ZSWIM6: variants seen among roughly 807,000 people sequenced by gnomAD.
The protein encoded by ZSWIM6 is zinc finger SWIM-type containing 6.
ZSWIM6 carries 9 observed loss-of-function variants against 113.2 expected under a neutral mutation model. The ratio of observed to expected loss-of-function variants is 0.08; its 90% CI spans 0.05 to 0.14. The LOEUF is 0.14. Ranked by LOEUF, ZSWIM6 falls within the 10% of genes least tolerant of loss-of-function variation. The probability of loss-of-function intolerance (pLI) is 1.00; values close to 1 mark genes in which losing one functional copy is unlikely to be tolerated. For synonymous variants in ZSWIM6, 611 were observed against 606.5 expected, an observed-to-expected ratio of 1.01 and a Z score of -0.11; for missense variants, 1,162 against 1,552.2, an observed-to-expected ratio of 0.75 and a Z score of 4.22.
chr5:61,490,896 C>A lies in ZSWIM6; in HGVS notation c.1144C>A (p.His382Asn). ...ACTGTTCCTTTCCCAGGGCGGGTAC[C>A]ACGGATCAGGGAAGCAGCTTAATTT... ...VKLFLSQGGYHGSGKQLNLLF... is the reference protein window; with the variant it reads ...VKLFLSQGGYNGSGKQLNLLF... The change falls in exon 3 of 14, where the codon CAC becomes AAC. Residue 382 changes from histidine to asparagine, a missense_variant. His to Asn is a moderately conservative substitution (Grantham distance 68, BLOSUM62 1). Around this residue, in one of 4 missense-constraint regions of ZSWIM6, gnomAD observed 96 missense variants for 240.3 expected, o/e 0.40. Coordinates refer to ENST00000252744, the MANE Select transcript of ZSWIM6 (RefSeq NM_020928.2). 1 of 1,538,676 alleles carries A rather than the reference C, an allele frequency of 6.5e-7. No homozygotes were observed.
In ZSWIM6 at chr5:61,535,465, G is replaced by A. The variant is rs1749549588; in HGVS notation, c.2246-19G>A. ...TTCATTTTTTAGGAACGTAAAATGTGTATGCTCTCTTCCCACAGCCGGACC... is the reference window on the plus strand; with the variant it reads ...TTCATTTTTTAGGAACGTAAAATGTATATGCTCTCTTCCCACAGCCGGACC... On this transcript the variant is annotated intron_variant, in intron 9 of 13. Transcript: ENST00000252744. 1 of 1,550,804 alleles carries A rather than the reference G, an allele frequency of 6.4e-7. No individual in the cohort carries two copies. Among genetic ancestry groups the A allele is most frequent in the South Asian group, 1.2e-5 (1 of 84,036 alleles).
At chr5:61,453,265 G>A (rs773159149) in intron 1 of ZSWIM6, among the ~76,000 whole-genome samples, 9 of 151,714 alleles carry the variant, frequency 5.9e-5, no homozygotes, top group Non-Finnish European at 1.0e-4. Context: ...CTATTTTGAA[G>A]TATTATATAC....
chr5:61,341,873 CTTTTTTTTTTTTTTTT>C (rs35227918), intron 1 of ZSWIM6, among the ~76,000 whole-genome samples: 1 of 94,704 alleles, frequency 1.1e-5, no homozygotes, highest in Non-Finnish European at 2.0e-5. Flanking sequence ...TCTCTGTAAC[CTTTTTTTTTTTTTTTT>C]TTTTTTTTGA....
chr5:61,450,920 C>G (rs1407883862), intron 1 of ZSWIM6, among the ~76,000 whole-genome samples: 1 of 152,064 alleles, frequency 6.6e-6, no homozygotes, highest in African/African-American at 2.4e-5. Context: ...TGTAATTTTT[C>G]TTTATTAAAT....
chr5:61,384,103 C>T (rs1056625140), intron 1 of ZSWIM6, among the ~76,000 whole-genome samples: 61 of 150,210 alleles, frequency 4.1e-4, no homozygotes, highest in Non-Finnish European at 7.0e-4. Context: ...TAGCCGGGCG[C>T]GGTGGCGGGC....
intron 1 of ZSWIM6, among the ~76,000 whole-genome samples, chr5:61,448,558 AATGAGATAATGT>A (rs1254710634): frequency 6.6e-6 from 1 of 152,148 alleles, no homozygotes; most frequent in Non-Finnish European, 1.5e-5. Context: ...TTTTCTAGTA[AATGAGATAATGT>A]ATATAAATAT....
chr5:61,434,063 A>T (rs1027383296), intron 1 of ZSWIM6, among the ~76,000 whole-genome samples: 2 of 105,492 alleles, frequency 1.9e-5, no homozygotes, highest in Non-Finnish European at 4.3e-5. Flanking sequence ...AAAAACATAT[A>T]ATAAAATATA....
chr5:61,377,455 TA>T (rs913323327), intron 1 of ZSWIM6, among the ~76,000 whole-genome samples: 5 of 152,048 alleles, frequency 3.3e-5, no homozygotes, highest in African/African-American at 1.2e-4. Flanking sequence ...TTTGCATACT[TA>T]AAACTACCGC....
chr5:61,539,109 G>A, intron 11 of ZSWIM6, 138 bp downstream of exon 11: 1 of 997,034 alleles, frequency 1.0e-6, no homozygotes, highest in African/African-American at 1.7e-5. Flanking sequence ...TTAGATGTTA[G>A]CTTTTAAGGC....
chr5:61,415,667 G>A (rs952713137), intron 1 of ZSWIM6, among the ~76,000 whole-genome samples: 1 of 151,770 alleles, frequency 6.6e-6, no homozygotes, highest in African/African-American at 2.4e-5. Context: ...CATGGGGACT[G>A]ATTGGCCATA....
intron 2 of ZSWIM6, among the ~76,000 whole-genome samples, chr5:61,474,643 T>C (rs1312964788): frequency 6.6e-6 from 1 of 152,218 alleles, no homozygotes; most frequent in Non-Finnish European, 1.5e-5. Context: ...ACACTGCAAG[T>C]GCTCAGTAGC....
intron 1 of ZSWIM6, among the ~76,000 whole-genome samples, chr5:61,357,601 C>A (rs868069982): frequency 5.3e-5 from 8 of 151,394 alleles, no homozygotes; most frequent in South Asian, 2.1e-4. Context: ...TGGGGTCTGG[C>A]AGTGATCAGC....
intron 1 of ZSWIM6, among the ~76,000 whole-genome samples, chr5:61,380,855 C>T (rs531478547): frequency 1.3e-5 from 2 of 152,024 alleles, no homozygotes; most frequent in South Asian, 4.2e-4. Context: ...AGTCCCAGCA[C>T]TTTGGGAGGC....
intron 1 of ZSWIM6, among the ~76,000 whole-genome samples, chr5:61,442,263 G>T (rs552764538): frequency 6.6e-6 from 1 of 152,208 alleles, no homozygotes; most frequent in South Asian, 2.1e-4. Flanking sequence ...GACTGGGAGG[G>T]TCAATTTCTG....
intron 1 of ZSWIM6, among the ~76,000 whole-genome samples, chr5:61,366,600 T>A (rs1331321099): frequency 1.3e-5 from 2 of 152,226 alleles, no homozygotes; most frequent in Admixed American, 6.5e-5. Context: ...TGTAGTGTAT[T>A]TAGCTTTCTA....
At chr5:61,399,905 A>C (rs1390863969) in intron 1 of ZSWIM6, among the ~76,000 whole-genome samples, 1 of 152,152 alleles carries the variant, frequency 6.6e-6, no homozygotes, top group East Asian at 1.9e-4. Flanking sequence ...GATTGTTATA[A>C]CTAAACAAGG....
At position 61,527,865 on chromosome 5, in the gene ZSWIM6, TGTTA is replaced by T. The variant is rs370215384; in HGVS notation, c.1837+1477_1837+1480del. 3.9e-3 allele frequency among the ~76,000 whole-genome samples: 598 copies of T among 152,322 alleles called. 3 individuals carry two copies. The highest frequency in any genetic ancestry group is 5.7e-3 in the Non-Finnish European group (391 of 68,028). ...GTAATAAAAAAGGAAAGTGTAAAAA[TGTTA>T]GTTAGTTTCCTAACTAACTAATGTT... is the stretch of plus-strand genomic sequence containing the variant. On this transcript the variant is annotated intron_variant, in intron 7 of 13. Coordinates refer to ENST00000252744, the MANE Select transcript of ZSWIM6 (RefSeq NM_020928.2).
chr5:61,360,109 G>A (rs1375264308), intron 1 of ZSWIM6, among the ~76,000 whole-genome samples: 1 of 152,204 alleles, frequency 6.6e-6, no homozygotes. Flanking sequence ...GCTGCATAAA[G>A]TGCATGCCCT....
At chr5:61,453,355 C>A (rs1440915520) in intron 1 of ZSWIM6, among the ~76,000 whole-genome samples, 1 of 150,528 alleles carries the variant, frequency 6.6e-6, no homozygotes, top group Non-Finnish European at 1.5e-5. Flanking sequence ...GTGGTGAGAA[C>A]ACTTTACGTC....
Sources: gnomAD v4.1 joint callset for allele counts (sites outside exome capture counted in the v4.1 genomes callset) on GRCh38, gnomAD v4.1.1 for gene constraint, gnomAD v4.1.1 regional missense constraint, MANE v1.5 for transcripts, NCBI Gene and HGNC (gene_info 2026-07-23, HGNC 2026-07-21) for gene names.